The following AGBL4 variants were observed in gnomAD, a reference collection of about 807,000 sequenced individuals.
AGBL4 encodes the protein cytosolic carboxypeptidase 6.
AGBL4 carries 58 observed loss-of-function variants against 66.4 expected under a neutral mutation model. The ratio of observed to expected loss-of-function variants is 0.87; its 90% CI spans 0.71 to 1.09. The LOEUF (loss-of-function observed/expected upper bound fraction) is 1.09. Among genes scored for constraint, AGBL4 ranks in the 50% least tolerant of loss-of-function variants. The probability of loss-of-function intolerance (pLI) is 0.00; values close to 1 mark genes in which losing one functional copy is unlikely to be tolerated. For missense variants in AGBL4, 579 were observed against 631.0 expected (o/e 0.92, Z 0.88); for synonymous variants, 234 against 222.9 (o/e 1.05, Z -0.44).
In AGBL4 at chr1:49,353,976, C is replaced by G. The variant is rs1295540874; in HGVS notation, c.283-108112G>C. Among the ~76,000 whole-genome samples, 4 of 152,260 alleles carry G rather than the reference C, an allele frequency of 2.6e-5. No individual in the cohort carries two copies. In the East Asian group the frequency reaches 7.7e-4, roughly 29 times the overall value. ...TCATAATTCTTCAAGTCTGACTGACCTGATTCTTCCTGGATACAAAAAAAA... is the reference window on the plus strand; with the variant it reads ...TCATAATTCTTCAAGTCTGACTGACGTGATTCTTCCTGGATACAAAAAAAA... On this transcript the variant is annotated intron_variant, in intron 3 of 13. Transcript: ENST00000371839.
chr1:49,954,132 C>A (rs1470854221), intron 1 of AGBL4, among the ~76,000 whole-genome samples: 2 of 151,826 alleles, frequency 1.3e-5, no homozygotes, highest in African/African-American at 4.8e-5. Flanking sequence ...TGGCCTCAAG[C>A]AATCTCTCTG....
intron 2 of AGBL4, among the ~76,000 whole-genome samples, chr1:49,826,174 T>C (rs1645505233): frequency 6.6e-6 from 1 of 152,076 alleles, no homozygotes; most frequent in African/African-American, 2.4e-5. Context: ...TTATAAAAAT[T>C]AATAAAAAAC....
At chr1:49,415,179 G>A (rs1000285758) in intron 3 of AGBL4, among the ~76,000 whole-genome samples, 3 of 152,086 alleles carry the variant, frequency 2.0e-5, no homozygotes, top group African/African-American at 7.2e-5. Flanking sequence ...GTTACATTAT[G>A]TCAAAAGAGA....
chr1:48,761,098 A>G (rs1281911966), intron 6 of AGBL4: 11 of 470,562 alleles, frequency 2.3e-5, no homozygotes, highest in Admixed American at 6.9e-5. Context: ...ATGACACTGC[A>G]CAGACTGTGC....
chr1:49,936,596 G>T (rs956623200), intron 1 of AGBL4, among the ~76,000 whole-genome samples: 1 of 152,136 alleles, frequency 6.6e-6, no homozygotes, highest in Non-Finnish European at 1.5e-5. Flanking sequence ...AGAAAGGTCG[G>T]GTTACCCACA....
chr1:48,656,951 T>C (rs916544934), intron 7 of AGBL4, among the ~76,000 whole-genome samples: 2 of 152,164 alleles, frequency 1.3e-5, no homozygotes, highest in African/African-American at 4.8e-5. Flanking sequence ...AGCCTGCCCA[T>C]GTATTCCCTG....
chr1:49,744,383 C>T (rs977648091), intron 2 of AGBL4, among the ~76,000 whole-genome samples: 4 of 152,258 alleles, frequency 2.6e-5, no homozygotes, highest in African/African-American at 9.6e-5. Context: ...TTTCTGATTC[C>T]TCTCCAGAAG....
At chr1:48,594,593 T>C (rs1644968168) in intron 9 of AGBL4, among the ~76,000 whole-genome samples, 1 of 152,222 alleles carries the variant, frequency 6.6e-6, no homozygotes, top group Non-Finnish European at 1.5e-5. Context: ...AGTTTATCCA[T>C]CTTTTCTTTT....
chr1:49,808,399 C>T (rs1367815513), intron 2 of AGBL4, among the ~76,000 whole-genome samples: 1 of 152,132 alleles, frequency 6.6e-6, no homozygotes, highest in East Asian at 1.9e-4. Context: ...AACTTTGATG[C>T]ACACTGACTT....
intron 4 of AGBL4, among the ~76,000 whole-genome samples, chr1:49,052,832 G>A (rs1460114877): frequency 6.6e-6 from 1 of 152,120 alleles, no homozygotes; most frequent in African/African-American, 2.4e-5. Context: ...AGTCAGTGCT[G>A]GGTTTTGAAT....
chr1:49,364,581 G>A (rs1012807170), intron 3 of AGBL4, among the ~76,000 whole-genome samples: 7 of 151,820 alleles, frequency 4.6e-5, no homozygotes, highest in Non-Finnish European at 8.8e-5. Context: ...AGGTTCAAGC[G>A]ATTCTCATGC....
intron 3 of AGBL4, among the ~76,000 whole-genome samples, chr1:49,433,088 C>T (rs965281751): frequency 1.3e-5 from 2 of 152,164 alleles, no homozygotes; most frequent in African/African-American, 4.8e-5. Context: ...GTCATGGAAG[C>T]TCTGTGCCTT....
At chr1:49,764,139 G>C (rs1434441141) in intron 2 of AGBL4, among the ~76,000 whole-genome samples, 2 of 152,120 alleles carry the variant, frequency 1.3e-5, no homozygotes, top group Non-Finnish European at 2.9e-5. Context: ...TGAACACTGT[G>C]GTAAGTCACA....
chr1:49,015,821 T>C (rs1662778697), intron 5 of AGBL4, among the ~76,000 whole-genome samples: 1 of 152,154 alleles, frequency 6.6e-6, no homozygotes, highest in African/African-American at 2.4e-5. Context: ...CATTTATTTT[T>C]TTCGTTTTAA....
At chr1:49,449,520 C>T (rs1646231865) in intron 3 of AGBL4, among the ~76,000 whole-genome samples, 1 of 151,856 alleles carries the variant, frequency 6.6e-6, no homozygotes, top group South Asian at 2.1e-4. Flanking sequence ...GCAGGAAGGG[C>T]CCATACTTTC....
intron 4 of AGBL4, among the ~76,000 whole-genome samples, chr1:49,094,389 T>A (rs1645054296): frequency 6.6e-6 from 1 of 152,154 alleles, no homozygotes; most frequent in African/African-American, 2.4e-5. Flanking sequence ...AGGGTTCTTT[T>A]AAGAGTGAAC....
chr1:48,747,215 T>A (rs1650910675), intron 6 of AGBL4, among the ~76,000 whole-genome samples: 1 of 152,202 alleles, frequency 6.6e-6, no homozygotes, highest in African/African-American at 2.4e-5. Flanking sequence ...ACAAAAGAAC[T>A]TTTTTCACTT....
At chr1:49,352,581 G>A (rs1022648942) in intron 3 of AGBL4, among the ~76,000 whole-genome samples, 13 of 152,056 alleles carry the variant, frequency 8.5e-5, no homozygotes, top group African/African-American at 3.1e-4. Context: ...GGAAGCCATA[G>A]GTCTGATAAT....
intron 3 of AGBL4, among the ~76,000 whole-genome samples, chr1:49,339,141 GTTACTGCTGGCCT>G (rs1256371675): frequency 6.6e-6 from 1 of 152,188 alleles, no homozygotes; most frequent in East Asian, 1.9e-4. Flanking sequence ...AGAGTGCATT[GTTACTGCTGGCCT>G]TTATCTGGAT....
Sources: allele counts gnomAD v4.1 joint callset (sites outside exome capture counted in the v4.1 genomes callset), GRCh38; gene constraint gnomAD v4.1.1; transcripts MANE v1.5; gene names NCBI Gene and HGNC (gene_info 2026-07-23, HGNC 2026-07-21).